The following CLPTM1 variants were observed in gnomAD, a reference collection of about 807,000 sequenced individuals.
CLPTM1 encodes CLPTM1 regulator of GABA type A receptor forward trafficking, also known as putative lipid scramblase CLPTM1.
A neutral mutation model predicts 77.3 loss-of-function variants in CLPTM1; 21 were observed. The ratio of observed to expected loss-of-function variants is 0.27; its 90% CI spans 0.19 to 0.39. CLPTM1 has a LOEUF of 0.39. CLPTM1 is among the 10% of genes least tolerant of loss of function. CLPTM1 has a pLI of 1.00. For synonymous variants in CLPTM1, 373 were observed against 381.0 expected (o/e 0.98, Z 0.24); for missense variants, 642 against 921.2 (o/e 0.70, Z 3.92).
At chr19:44,969,732 G>C (rs1265953034) in intron 2 of CLPTM1, among the ~76,000 whole-genome samples, 1 of 145,568 alleles carries the variant, frequency 6.9e-6, no homozygotes, top group Middle Eastern at 3.7e-3. Flanking sequence ...CTGTCACCCA[G>C]ACTGGAGTCC....
upstream of CLPTM1, chr19:44,954,796 G>GT: frequency 3.1e-6 from 4 of 1,280,326 alleles, no homozygotes; most frequent in Non-Finnish European, 3.1e-6. Context: ...TTTGTTGGCC[G>GT]TAAGACCCCT....
In CLPTM1 at chr19:44,977,161, AGTCT is replaced by A. The variant is rs558225804; in HGVS notation, c.469-176_469-173del. On this transcript the variant is annotated intron_variant, in intron 4 of 13. Coordinates refer to ENST00000337392, the MANE Select transcript of CLPTM1 (RefSeq NM_001294.4). ...CCATGGCAGGTAGAGCGGGCGTCTGAGTCTGTCTGACTCCAGCATTTACCTCTCT... is the reference window on the plus strand; with the variant it reads ...CCATGGCAGGTAGAGCGGGCGTCTGAGTCTGACTCCAGCATTTACCTCTCT... Among the ~76,000 whole-genome samples the A allele has an allele frequency of 1.1e-4, 17 of 152,186 alleles. No individual in the cohort carries two copies. In the East Asian group the frequency reaches 2.9e-3, roughly 26 times the overall value.
Position 44,990,294 on chromosome 19 carries a change from C to T in CLPTM1, c.1133-101C>T. On this transcript the variant is annotated intron_variant, in intron 9 of 13. Coordinates refer to ENST00000337392, the MANE Select transcript of CLPTM1 (RefSeq NM_001294.4). The surrounding 1 kb of genome is among the most constrained non-coding windows in gnomAD (Gnocchi z 4.8). ...CACCCCTCCTGAGGACCCAGCCCCA[C>T]CCCAGGGTGTGAGGATGCAGGCCAA... The T allele has an allele frequency of 7.9e-7, 1 of 1,271,166 alleles. No individual in the cohort carries two copies. Among genetic ancestry groups the T allele is most frequent in the South Asian group, 1.4e-5 (1 of 73,774 alleles). The allele number at this position is 1,271,166 out of a possible 1,614,324, so 78.7% of individuals were successfully genotyped here.
chr19:44,987,126 G>A, intron 7 of CLPTM1, 53 bp from the exon 8 acceptor site: 3 of 1,570,328 alleles, frequency 1.9e-6, no homozygotes, highest in Non-Finnish European at 2.6e-6. Context: ...AGGCCTGCGG[G>A]TACCCTGGCC....
Position 44,969,687 on chromosome 19 carries a change from C to CTT in CLPTM1, c.186-3383_186-3382dup, listed in dbSNP as rs11330180. Among the ~76,000 whole-genome samples, 52 of 132,502 alleles carry CTT rather than the reference C, an allele frequency of 3.9e-4. 1 individual carries two copies. The highest frequency in any genetic ancestry group is 2.2e-3 in the South Asian group (9 of 4,174). The allele number at this position is 132,502 out of a possible 152,430, so 86.9% of individuals were successfully genotyped here. A position where few individuals can be genotyped will look rare whatever the true frequency, so the allele number is the denominator to read the frequency against. On this transcript the variant is annotated intron_variant, in intron 2 of 13. Transcript: ENST00000337392. ...GGAATATTTCTTCTCTTTAAGGACA[C>CTT]TTTTTTTTTTTTTTTTTTGAGATGG...
Position 44,990,513 on chromosome 19 carries a change from C to T in CLPTM1, c.1251C>T (p.Phe417=), listed in dbSNP as rs144674984. Reference sequence around the variant, plus strand: ...ACATCCTGGACAACGAGACCAACTTCGTGGTCCAGGTCAGCGTCTTCATTG... The same window carrying T: ...ACATCCTGGACAACGAGACCAACTTTGTGGTCCAGGTCAGCGTCTTCATTG... ...LLYILDNETN[F]VVQVSVFIGV... The change falls in exon 10 of 14, where the codon TTC becomes TTT. Residue 417 remains phenylalanine, a synonymous_variant. Transcript: ENST00000337392. The surrounding 1 kb of genome is among the most constrained non-coding windows in gnomAD (Gnocchi z 4.8). 40 of 1,614,170 alleles carry T rather than the reference C, an allele frequency of 2.5e-5. No homozygotes were observed. The highest frequency in any genetic ancestry group is 2.0e-4 in the African/African-American group (15 of 75,058).
Position 44,990,478 on chromosome 19 carries a change from GTCC to G in CLPTM1, c.1222_1224del (p.Leu408del). On this transcript the variant is annotated inframe_deletion, in exon 10 of 14. Coordinates refer to ENST00000337392, the MANE Select transcript of CLPTM1 (RefSeq NM_001294.4). This position sits in a 1 kb window ranked among gnomAD's most constrained non-coding sequence, Gnocchi z 4.8. Reference sequence around the variant, plus strand: ...CTTCGGCGTTTTCCAGTCATTCGTGGTCCTCCTCTACATCCTGGACAACGAGAC... The same window carrying G: ...CTTCGGCGTTTTCCAGTCATTCGTGGTCCTCTACATCCTGGACAACGAGAC... 1 of 1,614,070 alleles carries G rather than the reference GTCC, an allele frequency of 6.2e-7. No individual in the cohort carries two copies. The highest frequency in any genetic ancestry group is 8.5e-7 in the Non-Finnish European group (1 of 1,179,980).
intron 2 of CLPTM1, 57 bp downstream of exon 2, chr19:44,962,132 G>A (rs1970554425): frequency 1.8e-6 from 2 of 1,102,378 alleles, no homozygotes; most frequent in Admixed American, 2.4e-5. Context: ...AAATAAGGAA[G>A]AAAGGAAAAG....
intron 1 of CLPTM1, among the ~76,000 whole-genome samples, chr19:44,957,397 C>T (rs1970480958): frequency 1.3e-5 from 2 of 152,250 alleles, no homozygotes; most frequent in Admixed American, 1.3e-4. Context: ...ATCACCACTG[C>T]TTCCTTAGCA....
At chr19:44,970,292 A>T (rs994557528) in intron 2 of CLPTM1, among the ~76,000 whole-genome samples, 1 of 146,496 alleles carries the variant, frequency 6.8e-6, no homozygotes, top group African/African-American at 2.7e-5. Flanking sequence ...TGGGTAGGCC[A>T]CCTGGTTCCT....
intron 2 of CLPTM1, among the ~76,000 whole-genome samples, chr19:44,963,082 C>T (rs943447871): frequency 2.7e-5 from 4 of 149,862 alleles, no homozygotes; most frequent in African/African-American, 7.4e-5. Context: ...GTGGCACGTG[C>T]CTGTAGTCCC....
intron 2 of CLPTM1, among the ~76,000 whole-genome samples, chr19:44,962,278 G>C (rs1310951284): frequency 6.6e-6 from 1 of 151,234 alleles, no homozygotes; most frequent in African/African-American, 2.4e-5. Flanking sequence ...GAGTCTCCCT[G>C]AACCTGTTCT....
intron 2 of CLPTM1, among the ~76,000 whole-genome samples, chr19:44,968,710 G>A (rs1970672354): frequency 6.6e-6 from 1 of 152,150 alleles, no homozygotes; most frequent in South Asian, 2.1e-4. Flanking sequence ...GGATCTAGAA[G>A]CCCAGAGGGG....
At chr19:44,965,951 G>T (rs1970621785) in intron 2 of CLPTM1, among the ~76,000 whole-genome samples, 1 of 152,266 alleles carries the variant, frequency 6.6e-6, no homozygotes, top group African/African-American at 2.4e-5. Context: ...GGAAAGCAGG[G>T]CTCCTATTAC....
chr19:44,965,379 T>C (rs1330807944), intron 2 of CLPTM1, among the ~76,000 whole-genome samples: 1 of 151,774 alleles, frequency 6.6e-6, no homozygotes, highest in Non-Finnish European at 1.5e-5. Flanking sequence ...AAGCCTGTAG[T>C]CCCAGCTACT....
chr19:44,966,868 A>G (rs746070901), intron 2 of CLPTM1, among the ~76,000 whole-genome samples: 38 of 151,260 alleles, frequency 2.5e-4, no homozygotes, highest in Non-Finnish European at 4.3e-4. Flanking sequence ...GGGAGACAGA[A>G]TCTCGCTCCG....
intron 3 of CLPTM1, among the ~76,000 whole-genome samples, chr19:44,974,096 C>T (rs1043500818): frequency 2.6e-5 from 4 of 151,998 alleles, no homozygotes; most frequent in Non-Finnish European, 4.4e-5. Context: ...TGGACTGCTT[C>T]GTCCATAAGC....
chr19:44,956,146 G>T (rs1970461135), intron 1 of CLPTM1, among the ~76,000 whole-genome samples: 1 of 152,160 alleles, frequency 6.6e-6, no homozygotes. Context: ...GGCAGCTACC[G>T]TTCAGGCATT....
chr19:44,955,241 GCCGGAAGTGGCCTT>G (rs1970440344), upstream of CLPTM1: 6 of 1,496,868 alleles, frequency 4.0e-6, no homozygotes, highest in Non-Finnish European at 5.3e-6. Context: ...TCCTTCCATA[GCCGGAAGTGGCCTT>G]CCTGAGAGGC....
Sources: gnomAD v4.1 joint callset for allele counts (sites outside exome capture counted in the v4.1 genomes callset) on GRCh38, gnomAD v4.1.1 for gene constraint, Gnocchi (gnomAD v3.1) non-coding constraint, MANE v1.5 for transcripts, NCBI Gene and HGNC (gene_info 2026-07-23, HGNC 2026-07-21) for gene names.